The following EPN1 variants were observed in gnomAD, a reference collection of about 807,000 sequenced individuals.
EPN1 encodes the protein epsin 1, also known as epsin-1.
In EPN1, 25 loss-of-function variants were observed where a neutral mutation model predicts 56.9. The ratio of observed to expected loss-of-function variants is 0.44; its 90% CI spans 0.32 to 0.61. The LOEUF (loss-of-function observed/expected upper bound fraction) is 0.61, where lower values mean the gene tolerates loss of function less well. Among genes scored for constraint, EPN1 ranks in the 20% least tolerant of loss-of-function variants. The probability of loss-of-function intolerance (pLI) is 0.05; values close to 1 mark genes in which losing one functional copy is unlikely to be tolerated. For synonymous variants in EPN1, 411 were observed against 361.8 expected, an observed-to-expected ratio of 1.14 and a Z score of -1.54; for missense variants, 785 against 823.7, an observed-to-expected ratio of 0.95 and a Z score of 0.58.
chr19:55,685,152 T>C (rs1053434261), intron 2 of EPN1, among the ~76,000 whole-genome samples: 1 of 152,278 alleles, frequency 6.6e-6, no homozygotes, highest in African/African-American at 2.4e-5. Flanking sequence ...TGTGGCGTTC[T>C]GTGCTGGCGT....
Position 55,692,690 on chromosome 19 carries a change from G to C in EPN1, c.1071G>C (p.Gly357=). ...TPDPWGSSDG[G]VPVSGPSASD... ...TGCTCTTCTGTCCTCACCCAGGTGG[G>C]GTCCCGGTCAGTGGGCCCTCAGCCT... Residue 357 remains glycine, a synonymous_variant, in exon 8 of 11, where the codon GGG becomes GGC. Coordinates refer to ENST00000270460, the MANE Select transcript of EPN1 (RefSeq NM_001130072.2). The C allele has an allele frequency of 6.5e-7, 1 of 1,537,956 alleles. No individual in the cohort carries two copies. The highest frequency in any genetic ancestry group is 8.8e-7 in the Non-Finnish European group (1 of 1,140,150).
Position 55,689,116 on chromosome 19 carries a change from C to T in EPN1, c.603+122C>T, listed in dbSNP as rs1049154682. 1.8e-5 allele frequency: 24 copies of T among 1,366,308 alleles called. No homozygotes were observed. The highest frequency in any genetic ancestry group is 3.7e-4 in the Middle Eastern group (2 of 5,404). 84.6% of individuals were successfully genotyped at this position (1,366,308 alleles called of 1,614,324 possible). ...CGCTGCTCCACATGCTGTCACTCGT[C>T]TCCTCCCCAGTCCTGCCTCATCCTC... On this transcript the variant is annotated intron_variant, in intron 4 of 10. Coordinates refer to ENST00000270460, the MANE Select transcript of EPN1 (RefSeq NM_001130072.2). The surrounding 1 kb of genome is among the most constrained non-coding windows in gnomAD (Gnocchi z 5.7).
chr19:55,708,075 T>A lies in EPN1; in HGVS notation c.*12719T>A, dbSNP rs1987516951. On this transcript the variant is annotated 3_prime_UTR_variant, in exon 11 of 11. Coordinates refer to ENST00000270460, the MANE Select transcript of EPN1 (RefSeq NM_001130072.2). ...AGCAAGTAAGTGCGAGCACTCTACA[T>A]TGAAGATTATAGAAAATTCAGCCTC... 1.3e-5 allele frequency: 2 copies of A among 152,264 alleles called. No homozygotes were observed. The highest frequency in any genetic ancestry group is 2.9e-5 in the Non-Finnish European group (2 of 68,074). The allele number at this position is 152,264 out of a possible 1,614,324, so 9.4% of individuals were successfully genotyped here.
chr19:55,687,565 A>G (rs1986250425), intron 3 of EPN1, among the ~76,000 whole-genome samples: 2 of 150,976 alleles, frequency 1.3e-5, no homozygotes, highest in Non-Finnish European at 3.0e-5. Flanking sequence ...CACCTCTGAG[A>G]GTCCCTAGAG....
Position 55,705,828 on chromosome 19 carries a change from T to C in EPN1, c.*10472T>C, listed in dbSNP as rs1361442874. ...TGTGGGATATATATATATATATATA[T>C]TTAGAGTGTTGTGGGATATATATAT... On this transcript the variant is annotated 3_prime_UTR_variant, in exon 11 of 11. Transcript: ENST00000270460. 8.1e-6 allele frequency: 1 copy of C among 123,360 alleles called. No individual in the cohort carries two copies. The highest frequency in any genetic ancestry group is 3.9e-5 in the African/African-American group (1 of 25,558). The allele number at this position is 123,360 out of a possible 1,614,324, so 7.6% of individuals were successfully genotyped here.
Position 55,688,941 on chromosome 19 carries a change from G to T in EPN1, c.550G>T (p.Glu184Ter). ...GGCGTGGCCGCAGAGCAGCGGGGAG[G>T]AGGAGCTGCAGCTCCAGCTGGCCCT... ...EQAWPQSSGEEELQLQLALAM... is the reference protein window; with the variant it reads ...EQAWPQSSGE The change falls in exon 4 of 11, where the codon GAG becomes TAG. Residue 184 changes from glutamate to a stop codon, truncating the protein, a stop_gained. Transcript: ENST00000270460. LOFTEE classifies it high-confidence loss of function. 6.3e-7 allele frequency: 1 copy of T among 1,597,904 alleles called. No homozygotes were observed. Among genetic ancestry groups the T allele is most frequent in the East Asian group, 2.3e-5 (1 of 44,322 alleles).
At position 55,689,194 on chromosome 19, in the gene EPN1, G is replaced by T. The variant is rs1438902680; in HGVS notation, c.604-103G>T. 1 of 1,141,492 alleles carries T rather than the reference G, an allele frequency of 8.8e-7. No individual in the cohort carries two copies. Among genetic ancestry groups the T allele is most frequent in the East Asian group, 2.6e-5 (1 of 38,798 alleles). 70.7% of individuals were successfully genotyped at this position (1,141,492 alleles called of 1,614,324 possible). A position where few individuals can be genotyped will look rare whatever the true frequency, so the allele number is the denominator to read the frequency against. ...TCTGCCTGTCCCTCACTGGTTCAGG[G>T]ACCCCCAGCCCTCTCTTTCTTCGGC... On this transcript the variant is annotated intron_variant, in intron 4 of 10. Transcript: ENST00000270460. The surrounding 1 kb of genome is among the most constrained non-coding windows in gnomAD (Gnocchi z 5.7).
chr19:55,686,462 G>A (rs1222937414), intron 3 of EPN1, among the ~76,000 whole-genome samples: 2 of 152,196 alleles, frequency 1.3e-5, no homozygotes, highest in Admixed American at 6.5e-5. Context: ...TGCCCTGGAG[G>A]TGGAGGTGGG....
In EPN1 at chr19:55,708,119, C is replaced by T. The variant is rs1485595666; in HGVS notation, c.*12763C>T. ...CAGCCTCCCAAATATCCAAAGAATC[C>T]AGGAGTGTGCCAAGAGATCCAAGAG... is the stretch of plus-strand genomic sequence containing the variant. On this transcript the variant is annotated 3_prime_UTR_variant, in exon 11 of 11. Transcript: ENST00000270460. 6.6e-6 allele frequency: 1 copy of T among 152,178 alleles called. No individual in the cohort carries two copies. The highest frequency in any genetic ancestry group is 1.5e-5 in the Non-Finnish European group (1 of 68,052). 9.4% of individuals were successfully genotyped at this position (152,178 alleles called of 1,614,324 possible).
At position 55,706,735 on chromosome 19, in the gene EPN1, G is replaced by T. The variant is rs1987441560; in HGVS notation, c.*11379G>T. On this transcript the variant is annotated 3_prime_UTR_variant, in exon 11 of 11. Coordinates refer to ENST00000270460, the MANE Select transcript of EPN1 (RefSeq NM_001130072.2). The stretch of plus-strand genomic sequence containing the variant: ...GATTTAAAAAACAATAGTAAAGAGA[G>T]ATTAAAAAAAAAAAGTAAATGGGCC... 1 of 150,822 alleles carries T rather than the reference G, an allele frequency of 6.6e-6. No individual in the cohort carries two copies. Among genetic ancestry groups the T allele is most frequent in the Non-Finnish European group, 1.5e-5 (1 of 67,774 alleles). The allele number at this position is 150,822 out of a possible 1,614,324, so 9.3% of individuals were successfully genotyped here.
intron 9 of EPN1, among the ~76,000 whole-genome samples, chr19:55,693,614 T>G (rs1414685770): frequency 6.6e-6 from 1 of 152,218 alleles, no homozygotes; most frequent in Non-Finnish European, 1.5e-5. Context: ...AGTGGGCCAC[T>G]GGTGCTTCGC....
Position 55,704,635 on chromosome 19 carries a change from T to A in EPN1, c.*9279T>A, listed in dbSNP as rs2122247325. On this transcript the variant is annotated 3_prime_UTR_variant, in exon 11 of 11. Coordinates refer to ENST00000270460, the MANE Select transcript of EPN1 (RefSeq NM_001130072.2). ...CTAACATGAATGCAGCCATCCACAC[T>A]GTCTGGGGGAAGGCACACACACCCC... is the stretch of plus-strand genomic sequence containing the variant. The A allele has an allele frequency of 6.6e-6, 1 of 152,354 alleles. No homozygotes were observed. The highest frequency in any genetic ancestry group is 2.1e-4 in the South Asian group (1 of 4,822). 9.4% of individuals were successfully genotyped at this position (152,354 alleles called of 1,614,324 possible).
At chr19:55,685,359 C>A in intron 2 of EPN1, 37 bp from the exon 3 acceptor site, 1 of 1,593,592 alleles carries the variant, frequency 6.3e-7, no homozygotes, top group South Asian at 1.1e-5. Context: ...GCCTTGTGCC[C>A]GGCGTGCTGA....
Position 55,693,050 on chromosome 19 carries a change from C to T in EPN1, c.1264+13C>T, listed in dbSNP as rs759750429. On this transcript the variant is annotated intron_variant, in intron 9 of 10. Coordinates refer to ENST00000270460, the MANE Select transcript of EPN1 (RefSeq NM_001130072.2). The stretch of plus-strand genomic sequence containing the variant: ...GGGAGCAGCGCAGGTGAGCCCCTGC[C>T]CTCCCCTGCCCAGTGGCGAGAGGGA... The T allele has an allele frequency of 4.4e-6, 7 of 1,608,622 alleles. No homozygotes were observed. In the East Asian group the frequency reaches 6.7e-5, roughly 15 times the overall value.
chr19:55,685,908 G>A (rs993335352), intron 3 of EPN1, among the ~76,000 whole-genome samples: 2 of 152,314 alleles, frequency 1.3e-5, no homozygotes, highest in African/African-American at 4.8e-5. Flanking sequence ...CTTTTATTCC[G>A]CTCCCCCATA....
Position 55,705,854 on chromosome 19 carries a change from ATATT to A in EPN1, c.*10501_*10504del, listed in dbSNP as rs1288712029. On this transcript the variant is annotated 3_prime_UTR_variant, in exon 11 of 11. Coordinates refer to ENST00000270460, the MANE Select transcript of EPN1 (RefSeq NM_001130072.2). ...TTAGAGTGTTGTGGGATATATATAT[ATATT>A]TAGAGACAAGGTCTTGCTCTATCAC... is the stretch of plus-strand genomic sequence containing the variant. 8.8e-6 allele frequency: 1 copy of A among 113,856 alleles called. No homozygotes were observed. Among genetic ancestry groups the A allele is most frequent in the Non-Finnish European group, 1.8e-5 (1 of 54,150 alleles). 7.1% of individuals were successfully genotyped at this position (113,856 alleles called of 1,614,324 possible). A position where few individuals can be genotyped will look rare whatever the true frequency, so the allele number is the denominator to read the frequency against.
chr19:55,702,652 G>T lies in EPN1; in HGVS notation c.*7296G>T, dbSNP rs1600115585. The T allele has an allele frequency of 6.6e-6, 1 of 152,172 alleles. No individual in the cohort carries two copies. The highest frequency in any genetic ancestry group is 2.4e-5 in the African/African-American group (1 of 41,436). The allele number at this position is 152,172 out of a possible 1,614,324, so 9.4% of individuals were successfully genotyped here. A position where few individuals can be genotyped will look rare whatever the true frequency, so the allele number is the denominator to read the frequency against. On this transcript the variant is annotated 3_prime_UTR_variant, in exon 11 of 11. Transcript: ENST00000270460. ...GCAATTTCTAAGCTGCTTTTTGTTA[G>T]GAAGTTTTTTGCTGGGGACTCTCTT...
Position 55,709,185 on chromosome 19 carries a change from CA to C in EPN1, c.*13831del, listed in dbSNP as rs1477503736. ...GGAGAATTGTACTGAATTTGAAAAA[CA>C]AGCATGAATCTTTCCTATAGGATAG... is the stretch of plus-strand genomic sequence containing the variant. On this transcript the variant is annotated 3_prime_UTR_variant, in exon 11 of 11. Coordinates refer to ENST00000270460, the MANE Select transcript of EPN1 (RefSeq NM_001130072.2). The C allele has an allele frequency of 1.8e-6, 1 of 566,982 alleles. No individual in the cohort carries two copies. The highest frequency in any genetic ancestry group is 3.5e-5 in the East Asian group (1 of 28,826). The allele number at this position is 566,982 out of a possible 1,614,324, so 35.1% of individuals were successfully genotyped here.
intron 6 of EPN1, among the ~76,000 whole-genome samples, chr19:55,690,299 A>G (rs1423592052): frequency 6.6e-6 from 1 of 152,236 alleles, no homozygotes; most frequent in Non-Finnish European, 1.5e-5. Flanking sequence ...GGCTCGCCCC[A>G]TCTGTCACAC....
Sources: gnomAD v4.1 joint callset for allele counts (sites outside exome capture counted in the v4.1 genomes callset) on GRCh38, gnomAD v4.1.1 for gene constraint, Gnocchi (gnomAD v3.1) non-coding constraint, MANE v1.5 for transcripts, NCBI Gene and HGNC (gene_info 2026-07-23, HGNC 2026-07-21) for gene names.